The following MICAL2 variants were observed in gnomAD, a reference collection of about 807,000 sequenced individuals.
MICAL2 encodes microtubule associated monooxygenase, calponin and LIM domain containing 2.
A neutral mutation model predicts 127.3 loss-of-function variants in MICAL2; 77 were observed. The ratio of observed to expected loss-of-function variants is 0.60; its 90% CI spans 0.50 to 0.73. The LOEUF (loss-of-function observed/expected upper bound fraction) is 0.73. Ranked by LOEUF, MICAL2 falls within the 30% of genes least tolerant of loss-of-function variation. The pLI is 0.00. For missense variants in MICAL2, 1,351 were observed against 1,434.4 expected (o/e 0.94, Z 0.94); for synonymous variants, 570 against 551.1 (o/e 1.03, Z -0.48).
intron 26 of MICAL2, chr11:12,260,127 C>G: frequency 6.5e-7 from 1 of 1,534,530 alleles, no homozygotes; most frequent in African/African-American, 1.4e-5. Flanking sequence ...CCCTCGAGAG[C>G]ATCTGCAACT....
At chr11:12,321,668 G>A (rs988081691) in intron 30 of MICAL2, among the ~76,000 whole-genome samples, 1 of 151,742 alleles carries the variant, frequency 6.6e-6, no homozygotes, top group African/African-American at 2.4e-5. Flanking sequence ...TATTAATGAA[G>A]CATTCTTCTT....
At position 12,195,155 on chromosome 11, in the gene MICAL2, G is replaced by A. The variant is rs552346226; in HGVS notation, c.265-9095G>A. The stretch of plus-strand genomic sequence containing the variant: ...ATCTATAGTCCCAGCTACTAGGGAG[G>A]TTGAGGTGGGAGGATCACTAGGGCC... On this transcript the variant is annotated intron_variant, in intron 3 of 27. Transcript: ENST00000683283. Among the ~76,000 whole-genome samples the A allele has an allele frequency of 2.6e-5, 4 of 152,274 alleles. No individual in the cohort carries two copies. In the South Asian group the frequency reaches 6.2e-4, roughly 24 times the overall value.
At chr11:12,351,704 T>G (rs1939049119) in intron 33 of MICAL2, among the ~76,000 whole-genome samples, 2 of 152,032 alleles carry the variant, frequency 1.3e-5, no homozygotes, top group Admixed American at 1.3e-4. Context: ...CGGAGTTACA[T>G]TCATTGAGTT....
intron 26 of MICAL2, chr11:12,261,317 T>C: frequency 1.0e-6 from 1 of 985,536 alleles, no homozygotes; most frequent in Non-Finnish European, 1.2e-6. Flanking sequence ...AGCTCTACCA[T>C]ATCTTGACTG....
At chr11:12,337,191 T>C (rs776172773) in intron 32 of MICAL2, among the ~76,000 whole-genome samples, 4,762 of 152,286 alleles carry the variant, frequency 0.031, 96 homozygotes, top group African/African-American at 0.06. Context: ...GGAGGGTGTA[T>C]GTGTCGAGGA....
intron 33 of MICAL2, among the ~76,000 whole-genome samples, chr11:12,352,238 T>C: frequency 6.6e-6 from 1 of 152,248 alleles, no homozygotes; most frequent in East Asian, 1.9e-4. Flanking sequence ...ACGTAAAAAT[T>C]ATTTTAAAAG....
chr11:12,298,293 A>G (rs1358641757), intron 29 of MICAL2, among the ~76,000 whole-genome samples: 1 of 151,974 alleles, frequency 6.6e-6, no homozygotes, highest in Non-Finnish European at 1.5e-5. Context: ...TTATCATTCT[A>G]CTGTTGTTTG....
intron 15 of MICAL2, among the ~76,000 whole-genome samples, chr11:12,229,400 C>T (rs16910826): frequency 0.092 from 13,948 of 152,246 alleles, 1,332 homozygotes; most frequent in East Asian, 0.27. Context: ...CCGCCATGTT[C>T]CCACTGAGTA....
chr11:12,290,772 T>C (rs1336589075), downstream of MICAL2, among the ~76,000 whole-genome samples: 1 of 152,184 alleles, frequency 6.6e-6, no homozygotes, highest in African/African-American at 2.4e-5. Context: ...GTGCCATCTG[T>C]TCAGAGCCCA....
At chr11:12,301,390 G>A (rs750223638) in intron 29 of MICAL2, among the ~76,000 whole-genome samples, 22 of 152,172 alleles carry the variant, frequency 1.4e-4, no homozygotes, top group South Asian at 2.1e-4. Context: ...TAATTTATTC[G>A]TGCCTTCTGT....
chr11:12,222,643 A>G lies in MICAL2; in HGVS notation c.1349A>G (p.Gln450Arg). ...GAAAGTCTCTACCGGCTGTTACCTC[A>G]GACAACCCCGGAGAACATCAACAAG... ...ERESLYRLLP[Q>R]TTPENINKNF... The change falls in exon 11 of 28, where the codon CAG becomes CGG. Residue 450 changes from glutamine (Q) to arginine (R), a missense_variant. Around this residue, in one of 2 missense-constraint regions of MICAL2, gnomAD observed 599 missense variants for 714.9 expected, o/e 0.84. Coordinates refer to ENST00000683283, the MANE Select transcript of MICAL2 (RefSeq NM_001282663.2). 2 of 1,614,234 alleles carry G rather than the reference A, an allele frequency of 1.2e-6. No individual in the cohort carries two copies. Among genetic ancestry groups the G allele is most frequent in the Non-Finnish European group, 8.5e-7 (1 of 1,180,042 alleles).
chr11:12,141,774 C>T (rs147873142), intron 2 of MICAL2, among the ~76,000 whole-genome samples: 36 of 152,234 alleles, frequency 2.4e-4, no homozygotes, highest in African/African-American at 5.3e-4. Context: ...GTTGGCCAAC[C>T]CTTGTGATCA....
At chr11:12,271,358 G>C (rs972897829), upstream of MICAL2, among the ~76,000 whole-genome samples, 3 of 152,222 alleles carry the variant, frequency 2.0e-5, no homozygotes, top group South Asian at 6.2e-4. Flanking sequence ...GCCTCAGGGA[G>C]ACAGCAAGAG....
In MICAL2 at chr11:12,259,912, T is replaced by A; in HGVS notation, c.3334+15T>A. ...CAGCCCCCCAGGTATCTCCACCTCC[T>A]TCTTTAGGAAGGTGCTGGGCTGGCC... is the stretch of plus-strand genomic sequence containing the variant. On this transcript the variant is annotated intron_variant, in intron 26 of 27. Transcript: ENST00000683283. 1.2e-6 allele frequency: 2 copies of A among 1,612,730 alleles called. No individual in the cohort carries two copies. Among genetic ancestry groups the A allele is most frequent in the Non-Finnish European group, 1.7e-6 (2 of 1,179,314 alleles).
chr11:12,246,146 A>G (rs1209839750), intron 21 of MICAL2, among the ~76,000 whole-genome samples: 1 of 152,246 alleles, frequency 6.6e-6, no homozygotes, highest in African/African-American at 2.4e-5. Flanking sequence ...TCCACCGGGC[A>G]TTAGATCCTT....
chr11:12,134,383 C>T (rs1263704166), intron 1 of MICAL2, among the ~76,000 whole-genome samples: 2 of 152,180 alleles, frequency 1.3e-5, no homozygotes, highest in Admixed American at 1.3e-4. Context: ...TCATAATGGG[C>T]ATGGCTCCGG....
intron 32 of MICAL2, among the ~76,000 whole-genome samples, chr11:12,330,825 G>C (rs1565307283): frequency 6.5e-5 from 8 of 123,728 alleles, no homozygotes; most frequent in African/African-American, 1.8e-4. Flanking sequence ...GAGAGAGGGA[G>C]AGACAGACAG....
At chr11:12,256,995 A>T (rs968542839) in intron 24 of MICAL2, 24 bp downstream of exon 24, 1 of 1,598,588 alleles carries the variant, frequency 6.3e-7, no homozygotes, top group African/African-American at 1.3e-5. Context: ...CCAGGGCAGC[A>T]CTGGGCTCTG....
chr11:12,129,288 G>C (rs2133537627), intron 1 of MICAL2, among the ~76,000 whole-genome samples: 1 of 152,258 alleles, frequency 6.6e-6, no homozygotes, highest in Middle Eastern at 3.4e-3. Flanking sequence ...GAAAATGTCT[G>C]ATATTTCCAA....
Sources: gnomAD v4.1 joint callset for allele counts (sites outside exome capture counted in the v4.1 genomes callset) on GRCh38, gnomAD v4.1.1 for gene constraint, gnomAD v4.1.1 regional missense constraint, MANE v1.5 for transcripts, NCBI Gene and HGNC (gene_info 2026-07-23, HGNC 2026-07-21) for gene names.